MICU2: variants seen among roughly 807,000 people sequenced by gnomAD.
The protein encoded by MICU2 is calcium uptake protein 2, mitochondrial.
In MICU2, 64 loss-of-function variants were observed where a neutral mutation model predicts 60.4. The observed-to-expected ratio is 1.06, with a 90% CI of 0.87 to 1.31. The LOEUF is 1.31. MICU2 is among the 50% of genes most tolerant of loss of function. The probability of loss-of-function intolerance (pLI) is 0.00; values close to 1 mark genes in which losing one functional copy is unlikely to be tolerated. For synonymous variants in MICU2, 201 were observed against 175.0 expected (o/e 1.15, Z -1.17); for missense variants, 569 against 531.0 (o/e 1.07, Z -0.70).
chr13:21,519,019 C>G (rs918018547), intron 6 of MICU2, among the ~76,000 whole-genome samples: 1 of 152,198 alleles, frequency 6.6e-6, no homozygotes, highest in African/African-American at 2.4e-5. Flanking sequence ...GCTCTCTACT[C>G]AGTCCCTACC....
chr13:21,599,318 T>A (rs1482510489), intron 1 of MICU2, among the ~76,000 whole-genome samples: 2 of 152,252 alleles, frequency 1.3e-5, no homozygotes. Flanking sequence ...TCAAAAAATG[T>A]ATCAAGGCTT....
intron 1 of MICU2, among the ~76,000 whole-genome samples, chr13:21,587,356 G>A (rs557493984): frequency 1.1e-4 from 16 of 152,290 alleles, no homozygotes; most frequent in Admixed American, 7.8e-4. Context: ...TTTTAATGAA[G>A]AAACCTGACA....
At chr13:21,498,369 CTTTTTTTT>C (rs34890922) in intron 9 of MICU2, among the ~76,000 whole-genome samples, 83 of 78,566 alleles carry the variant, frequency 1.1e-3, no homozygotes, top group African/African-American at 3.5e-3. Context: ...ATATCCTATT[CTTTTTTTT>C]TTTTTTTTTT....
At chr13:21,581,071 T>C (rs1484220533) in intron 1 of MICU2, among the ~76,000 whole-genome samples, 1 of 152,178 alleles carries the variant, frequency 6.6e-6, no homozygotes, top group Non-Finnish European at 1.5e-5. Context: ...TATAGTGACA[T>C]AATCAAAGCA....
At chr13:21,550,383 A>T (rs961147004) in intron 2 of MICU2, among the ~76,000 whole-genome samples, 1 of 152,118 alleles carries the variant, frequency 6.6e-6, no homozygotes, top group African/African-American at 2.4e-5. Context: ...ACAAAAAATT[A>T]AAAAATTAGC....
At chr13:21,536,926 T>A (rs566632088) in intron 4 of MICU2, among the ~76,000 whole-genome samples, 15 of 152,344 alleles carry the variant, frequency 9.8e-5, no homozygotes, top group Middle Eastern at 3.4e-3. Flanking sequence ...GGTCACTCCC[T>A]GAACCCTGAA....
intron 1 of MICU2, among the ~76,000 whole-genome samples, chr13:21,600,514 C>A (rs1042487142): frequency 6.6e-6 from 1 of 152,194 alleles, no homozygotes; most frequent in African/African-American, 2.4e-5. Context: ...ACTGTAAGCA[C>A]ATAAACTGTG....
intron 4 of MICU2, among the ~76,000 whole-genome samples, chr13:21,525,913 CTTAT>C (rs60527711): frequency 0.37 from 53,327 of 143,908 alleles, 11,291 homozygotes; most frequent in East Asian, 0.64. Context: ...GTGATGTAGT[CTTAT>C]TTATTTATTT....
intron 8 of MICU2, among the ~76,000 whole-genome samples, chr13:21,504,440 G>C (rs1251229288): frequency 6.6e-6 from 1 of 152,078 alleles, no homozygotes; most frequent in East Asian, 1.9e-4. Flanking sequence ...CTTAATTGCT[G>C]TTAAACTATA....
Position 21,601,832 on chromosome 13 carries a change from G to A in MICU2, c.210+2107C>T, listed in dbSNP as rs183560166. 2.6e-4 allele frequency among the ~76,000 whole-genome samples: 40 copies of A among 152,062 alleles called. No individual in the cohort carries two copies. The East Asian group carries it at 6.9e-3, about 26-fold the overall frequency. On this transcript the variant is annotated intron_variant, in intron 1 of 11. Transcript: ENST00000382374. ...TTTAAAATGTGCATTTTGGCCGGGC[G>A]CTGTGGCTCACGCCAGTAATCCCAG...
chr13:21,552,595 T>A (rs1887599885), intron 2 of MICU2, among the ~76,000 whole-genome samples: 1 of 152,198 alleles, frequency 6.6e-6, no homozygotes, highest in Non-Finnish European at 1.5e-5. Context: ...TCATCTTGAA[T>A]TAATTTTTGT....
intron 6 of MICU2, 122 bp from the exon 7 acceptor site, chr13:21,514,540 CTTTTT>C: frequency 2.0e-6 from 1 of 505,844 alleles, no homozygotes. Context: ...ATATTAACTT[CTTTTT>C]TTTTTTGAGA....
At chr13:21,499,536 G>C (rs750589340) in intron 9 of MICU2, among the ~76,000 whole-genome samples, 3 of 151,312 alleles carry the variant, frequency 2.0e-5, no homozygotes, top group Non-Finnish European at 4.4e-5. Flanking sequence ...TCTGCCTCCC[G>C]AGTAGCTGGG....
intron 6 of MICU2, among the ~76,000 whole-genome samples, chr13:21,517,795 A>ACGCGCGCGCGCG (rs1256874768): frequency 1.7e-5 from 2 of 118,360 alleles, no homozygotes; most frequent in Non-Finnish European, 3.9e-5. Context: ...ACACACACAC[A>ACGCGCGCGCGCG]CACACGCGCG....
intron 4 of MICU2, 56 bp downstream of exon 4, chr13:21,539,246 A>C: frequency 7.0e-7 from 1 of 1,431,692 alleles, no homozygotes; most frequent in Non-Finnish European, 9.8e-7. Flanking sequence ...ATTCCTTAAT[A>C]ATACTTCAGT....
chr13:21,497,072 TAACAAACA>T (rs558636991), intron 9 of MICU2, among the ~76,000 whole-genome samples: 3 of 134,442 alleles, frequency 2.2e-5, no homozygotes, highest in East Asian at 2.3e-4. Context: ...AAAAAATACA[TAACAAACA>T]AACAAACAAA....
At chr13:21,559,812 AC>A (rs1887796850) in intron 2 of MICU2, among the ~76,000 whole-genome samples, 1 of 152,192 alleles carries the variant, frequency 6.6e-6, no homozygotes, top group African/African-American at 2.4e-5. Context: ...GGGGTGAGCC[AC>A]CATGCCCAGC....
At chr13:21,560,864 T>C (rs1887824351) in intron 2 of MICU2, among the ~76,000 whole-genome samples, 2 of 152,242 alleles carry the variant, frequency 1.3e-5, no homozygotes, top group East Asian at 1.9e-4. Flanking sequence ...GACTATATTA[T>C]ATTGATTTGA....
chr13:21,539,790 T>A, intron 2 of MICU2, 102 bp from the exon 3 acceptor site: 1 of 1,066,606 alleles, frequency 9.4e-7, no homozygotes, highest in Non-Finnish European at 1.4e-6. Flanking sequence ...AACAACTAAA[T>A]ATTTATTTAA....
Sources: allele counts gnomAD v4.1 joint callset (sites outside exome capture counted in the v4.1 genomes callset), GRCh38; gene constraint gnomAD v4.1.1; transcripts MANE v1.5; gene names NCBI Gene and HGNC (gene_info 2026-07-23, HGNC 2026-07-21).